The following LMAN1 variants were observed in gnomAD, a reference collection of about 807,000 sequenced individuals.
The protein encoded by LMAN1 is lectin, mannose binding 1.
In LMAN1, 32 loss-of-function variants were observed where a neutral mutation model predicts 67.8. The observed-to-expected ratio is 0.47, with a 90% confidence interval of 0.36 to 0.63. The LOEUF is 0.63. LMAN1 is among the 30% of genes least tolerant of loss of function. The probability of loss-of-function intolerance (pLI) is 0.00; values close to 1 mark genes in which losing one functional copy is unlikely to be tolerated. For missense variants in LMAN1, 632 were observed against 628.2 expected (o/e 1.01, Z -0.06); for synonymous variants, 235 against 219.3 (o/e 1.07, Z -0.63).
At chr18:59,351,365 C>T (rs1307463696) in intron 5 of LMAN1, 1 of 151,992 alleles carries the variant, frequency 6.6e-6, no homozygotes, top group African/African-American at 2.4e-5. Flanking sequence ...TTTGTGTGCT[C>T]AAAGCTAAGT....
chr18:59,329,142 T>C lies in LMAN1; in HGVS notation c.*1951A>G, dbSNP rs2070732298. 6.6e-6 allele frequency: 1 copy of C among 152,192 alleles called. No homozygotes were observed. The highest frequency in any genetic ancestry group is 2.1e-4 in the South Asian group (1 of 4,822). The allele number at this position is 152,192 out of a possible 1,614,324, so 9.4% of individuals were successfully genotyped here. On this transcript the variant is annotated 3_prime_UTR_variant, in exon 13 of 13. Transcript: ENST00000251047. The stretch of plus-strand genomic sequence containing the variant: ...AACCACACTTCAAATATGATACACA[T>C]CATGTGAACTACTTTGCTGAGTGAT...
At chr18:59,349,367 C>T (rs41361847) in intron 5 of LMAN1, 131 bp from the exon 6 acceptor site, 241 of 848,838 alleles carry the variant, frequency 2.8e-4, no homozygotes, top group Non-Finnish European at 4.2e-4. Context: ...ACGTTTCCTA[C>T]TTGGTGTCAA....
chr18:59,358,835 G>A (rs893790871), intron 1 of LMAN1, among the ~76,000 whole-genome samples, 196 bp downstream of exon 1: 1 of 152,154 alleles, frequency 6.6e-6, no homozygotes, highest in Non-Finnish European at 1.5e-5. Context: ...GGAAAGACTC[G>A]GGGACAAGCG....
chr18:59,340,194 T>C (rs1467514759), intron 8 of LMAN1, among the ~76,000 whole-genome samples: 1 of 152,162 alleles, frequency 6.6e-6, no homozygotes, highest in African/African-American at 2.4e-5. Context: ...ATGGCTGCAG[T>C]TGTTGTCTGG....
chr18:59,340,392 G>A (rs1173135966), intron 8 of LMAN1, among the ~76,000 whole-genome samples: 2 of 151,970 alleles, frequency 1.3e-5, no homozygotes, highest in African/African-American at 4.8e-5. Flanking sequence ...CAAGAGAGAA[G>A]TATTTAGTCA....
In LMAN1 at chr18:59,332,977, A is replaced by G. The variant is rs1603393729; in HGVS notation, c.1374+114T>C. 1.6e-5 allele frequency: 14 copies of G among 867,378 alleles called. No individual in the cohort carries two copies. The East Asian group carries it at 3.7e-4, about 23-fold the overall frequency. 53.7% of individuals were successfully genotyped at this position (867,378 alleles called of 1,614,324 possible). A position where few individuals can be genotyped will look rare whatever the true frequency, so the allele number is the denominator to read the frequency against. The stretch of plus-strand genomic sequence containing the variant: ...GCAATAAATGGGACAATTCTACCTT[A>G]AACATTAAAAATAAGCATTAGCATT... On this transcript the variant is annotated intron_variant, in intron 11 of 12. Coordinates refer to ENST00000251047, the MANE Select transcript of LMAN1 (RefSeq NM_005570.4).
intron 1 of LMAN1, among the ~76,000 whole-genome samples, chr18:59,357,860 C>A (rs578041374): frequency 2.0e-5 from 3 of 150,336 alleles, no homozygotes; most frequent in Non-Finnish European, 4.4e-5. Context: ...AGGAGATATA[C>A]CTAATGTTAA....
intron 5 of LMAN1, among the ~76,000 whole-genome samples, chr18:59,351,805 A>T (rs1347815158): frequency 3.3e-5 from 5 of 152,198 alleles, no homozygotes; most frequent in Non-Finnish European, 1.5e-5. Context: ...ACATGCAGGT[A>T]AGCAAGACTT....
In LMAN1 at chr18:59,355,554, C is replaced by T. The variant is rs1234272209; in HGVS notation, c.319G>A (p.Glu107Lys). Residue 107 changes from glutamate (E) to lysine (K), a missense_variant, in exon 2 of 13, where the codon GAG becomes AAG. Physicochemically the swap from Glu to Lys is moderately conservative, Grantham distance 56 (BLOSUM62 1). Coordinates refer to ENST00000251047, the MANE Select transcript of LMAN1 (RefSeq NM_005570.4). Reference sequence around the variant, plus strand: ...CTTCCAGTCACTCGAAATGTCACCTCAACTTCCCAGTTCTCAAAGGCCGCT... The same window carrying T: ...CTTCCAGTCACTCGAAATGTCACCTTAACTTCCCAGTTCTCAAAGGCCGCT... ...TKAAFENWEV[E>K]VTFRVTGRGR... The T allele has an allele frequency of 6.2e-7, 1 of 1,614,048 alleles. No homozygotes were observed. Among genetic ancestry groups the T allele is most frequent in the African/African-American group, 1.3e-5 (1 of 74,946 alleles).
At chr18:59,337,778 G>A (rs1908192364) in intron 10 of LMAN1, among the ~76,000 whole-genome samples, 1 of 152,158 alleles carries the variant, frequency 6.6e-6, no homozygotes, top group Non-Finnish European at 1.5e-5. Flanking sequence ...GCAGTTATAA[G>A]TTAAGTGCCT....
intron 4 of LMAN1, 48 bp downstream of exon 4, chr18:59,354,471 T>C (rs1908614398): frequency 9.8e-7 from 1 of 1,016,458 alleles, no homozygotes; most frequent in Non-Finnish European, 1.6e-6. Flanking sequence ...TCATAAGGAT[T>C]CCAAAAAGAA....
Position 59,333,089 on chromosome 18 carries a change from A to G in LMAN1, c.1374+2T>C. 1 of 1,611,118 alleles carries G rather than the reference A, an allele frequency of 6.2e-7. No individual in the cohort carries two copies. Among genetic ancestry groups the G allele is most frequent in the Non-Finnish European group, 8.5e-7 (1 of 1,177,422 alleles). On this transcript the variant is annotated splice_donor_variant, in intron 11 of 12. Coordinates refer to ENST00000251047, the MANE Select transcript of LMAN1 (RefSeq NM_005570.4). LOFTEE classifies it high-confidence loss of function. ...TATAAAAGGAAAAGGAAACAAAGTT[A>G]CCATATTTCGCTGCACTAAGTTATC... is the stretch of plus-strand genomic sequence containing the variant.
chr18:59,339,029 G>T, intron 8 of LMAN1, 76 bp from the exon 9 acceptor site: 1 of 1,314,422 alleles, frequency 7.6e-7, no homozygotes, highest in Non-Finnish European at 1.1e-6. Flanking sequence ...AGTGACCAAA[G>T]TGCCAACATT....
Position 59,353,304 on chromosome 18 carries a change from A to G in LMAN1, c.540-3T>C, listed in dbSNP as rs1170572942. On this transcript the variant is annotated splice_region_variant and splice_polypyrimidine_tract_variant and intron_variant, in intron 4 of 12. Coordinates refer to ENST00000251047, the MANE Select transcript of LMAN1 (RefSeq NM_005570.4). ...CCAAAGCTTGACTAGCCCCGTCACT[A>G]TAGTGTAAGGGGGAGGAAAACAGAC... 21 of 1,608,990 alleles carry G rather than the reference A, an allele frequency of 1.3e-5. No individual in the cohort carries two copies. The highest frequency in any genetic ancestry group is 1.7e-5 in the Non-Finnish European group (20 of 1,175,458).
intron 8 of LMAN1, 40 bp downstream of exon 8, chr18:59,345,879 G>T: frequency 6.2e-7 from 1 of 1,612,376 alleles, no homozygotes; most frequent in Non-Finnish European, 8.5e-7. Flanking sequence ...ACAGCCTCAA[G>T]CCCTGCTGCG....
intron 8 of LMAN1, among the ~76,000 whole-genome samples, chr18:59,345,504 T>C (rs944119262): frequency 1.3e-5 from 2 of 152,236 alleles, no homozygotes; most frequent in Non-Finnish European, 2.9e-5. Context: ...AAGGTAATTA[T>C]GTGTCACTAA....
chr18:59,340,783 A>T (rs550723902), intron 8 of LMAN1, among the ~76,000 whole-genome samples: 31 of 152,326 alleles, frequency 2.0e-4, no homozygotes, highest in African/African-American at 6.7e-4. Context: ...CAAATGACAA[A>T]GACAAAGATG....
Position 59,347,540 on chromosome 18 carries a change from G to T in LMAN1, c.795C>A (p.Phe265Leu), listed in dbSNP as rs1399080694. 6.2e-7 allele frequency: 1 copy of T among 1,608,896 alleles called. No individual in the cohort carries two copies. Among genetic ancestry groups the T allele is most frequent in the Non-Finnish European group, 8.5e-7 (1 of 1,177,544 alleles). ...GCTCTTTTCCAGGTTCAGTCAACTG[G>T]AAAGTCAGAAAAGAAAGGACATCAT... ...DDHDVLSFLT[F>L]QLTEPGKEPP... Residue 265 changes from phenylalanine (F) to leucine (L), a missense_variant, in exon 7 of 13, where the codon TTC becomes TTA. Coordinates refer to ENST00000251047, the MANE Select transcript of LMAN1 (RefSeq NM_005570.4).
At chr18:59,333,034 A>T in intron 11 of LMAN1, 57 bp downstream of exon 11, 14 of 1,398,762 alleles carry the variant, frequency 1.0e-5, no homozygotes, top group Non-Finnish European at 1.4e-5. Flanking sequence ...GCAGTAGAGT[A>T]TGAGTTCTTC....
Sources: gnomAD v4.1 joint callset for allele counts (sites outside exome capture counted in the v4.1 genomes callset) on GRCh38, gnomAD v4.1.1 for gene constraint, MANE v1.5 for transcripts, NCBI Gene and HGNC (gene_info 2026-07-23, HGNC 2026-07-21) for gene names.